The following KREMEN1 variants were observed in gnomAD, a reference collection of about 807,000 sequenced individuals.
KREMEN1 encodes the protein kremen protein 1.
Under a neutral mutation model 46.5 loss-of-function variants are expected in KREMEN1, and 30 were observed. The ratio of observed to expected loss-of-function variants is 0.65; its 90% CI spans 0.48 to 0.88. KREMEN1 has a LOEUF of 0.88. Ranked by LOEUF, KREMEN1 falls within the 40% of genes least tolerant of loss-of-function variation. The pLI is 0.00. For synonymous variants in KREMEN1, 214 were observed against 230.6 expected (o/e 0.93, Z 0.65); for missense variants, 533 against 596.9 (o/e 0.89, Z 1.11).
At chr22:29,129,719 G>C (rs1263061575) in intron 5 of KREMEN1, among the ~76,000 whole-genome samples, 2 of 152,128 alleles carry the variant, frequency 1.3e-5, no homozygotes, top group Admixed American at 6.6e-5. Context: ...CGGGGCTAGT[G>C]GGGGTGGAGG....
chr22:29,094,871 G>A (rs1443343749), intron 2 of KREMEN1, among the ~76,000 whole-genome samples: 1 of 152,076 alleles, frequency 6.6e-6, no homozygotes, highest in Non-Finnish European at 1.5e-5. Context: ...TGATCCGCCC[G>A]CCTCAGCCTC....
Position 29,098,525 on chromosome 22 carries a change from G to A in KREMEN1, c.261-337G>A, listed in dbSNP as rs573264546. Among the ~76,000 whole-genome samples the A allele has an allele frequency of 4.6e-5, 7 of 152,284 alleles. No individual in the cohort carries two copies. In the South Asian group the frequency reaches 1.4e-3, roughly 32 times the overall value. On this transcript the variant is annotated intron_variant, in intron 2 of 8. Transcript: ENST00000400335. ...CATTGAGAGCCCCTGTGCTTACTCA[G>A]CCTTGGAATCTCCATGCTCACATTC...
chr22:29,167,253 G>T (rs922129291), exon 10 of KREMEN1: 1 of 687,820 alleles, frequency 1.5e-6, no homozygotes, highest in East Asian at 2.8e-5. Context: ...CAGCGTTTTG[G>T]GAGGCTGAGA....
chr22:29,122,654 T>C (rs2038373301), intron 4 of KREMEN1, among the ~76,000 whole-genome samples: 2 of 152,082 alleles, frequency 1.3e-5, no homozygotes, highest in Admixed American at 6.6e-5. Context: ...TATTAAGACC[T>C]ACTGGCTGGG....
intron 8 of KREMEN1, among the ~76,000 whole-genome samples, chr22:29,140,675 A>G (rs532979644): frequency 6.6e-6 from 1 of 152,386 alleles, no homozygotes; most frequent in Non-Finnish European, 1.5e-5. Context: ...TTTATGCAAG[A>G]CTGAAGATAG....
chr22:29,152,815 A>G (rs8138092), intron 9 of KREMEN1, among the ~76,000 whole-genome samples: 6,228 of 152,282 alleles, frequency 0.041, 141 homozygotes, highest in Middle Eastern at 0.082. Flanking sequence ...GGGGTGCCCC[A>G]TGGGTTCCTG....
chr22:29,159,138 T>C (rs1405778591), intron 9 of KREMEN1, among the ~76,000 whole-genome samples: 1 of 150,374 alleles, frequency 6.7e-6, no homozygotes, highest in South Asian at 2.1e-4. Flanking sequence ...TTTTTTTTTT[T>C]TTTTTTTTTT....
At chr22:29,094,768 C>A (rs2037858611) in intron 2 of KREMEN1, among the ~76,000 whole-genome samples, 1 of 151,942 alleles carries the variant, frequency 6.6e-6, no homozygotes, top group Non-Finnish European at 1.5e-5. Context: ...GGACTACAGG[C>A]GCCCGCCAAC....
At chr22:29,118,752 TA>T (rs1382899529) in intron 3 of KREMEN1, among the ~76,000 whole-genome samples, 11 of 152,104 alleles carry the variant, frequency 7.2e-5, no homozygotes, top group African/African-American at 7.2e-5. Context: ...TAGGGAGTAA[TA>T]GGGGGAAAAA....
chr22:29,097,113 A>G (rs892445454), intron 2 of KREMEN1, among the ~76,000 whole-genome samples: 10 of 152,234 alleles, frequency 6.6e-5, no homozygotes, highest in African/African-American at 1.7e-4. Flanking sequence ...ACGCCACATG[A>G]CAGGCTTAGC....
At chr22:29,117,306 G>T (rs1032902600) in intron 3 of KREMEN1, among the ~76,000 whole-genome samples, 1 of 152,170 alleles carries the variant, frequency 6.6e-6, no homozygotes, top group African/African-American at 2.4e-5. Flanking sequence ...AGTAGCTCAC[G>T]CCTGTAATCC....
intron 4 of KREMEN1, among the ~76,000 whole-genome samples, chr22:29,122,395 T>A (rs868278472): frequency 6.6e-6 from 1 of 152,212 alleles, no homozygotes; most frequent in African/African-American, 2.4e-5. Flanking sequence ...TGAAGAAAGA[T>A]CTTAAAGTTT....
chr22:29,168,026 T>G (rs1323240243), exon 10 of KREMEN1: 1 of 152,226 alleles, frequency 6.6e-6, no homozygotes, highest in Non-Finnish European at 1.5e-5. Context: ...CAAGGTCCAG[T>G]ATGAAATAAG....
intron 1 of KREMEN1, among the ~76,000 whole-genome samples, chr22:29,093,232 A>T (rs931599236): frequency 2.0e-5 from 3 of 152,320 alleles, no homozygotes; most frequent in Middle Eastern, 3.4e-3. Flanking sequence ...TGGCATTAAG[A>T]GTCCTTAATA....
rs1325853749 is a variant in KREMEN1, at chr22:29,138,767, C to T, written c.1108C>T (p.Pro370Ser). 1.2e-6 allele frequency: 2 copies of T among 1,614,236 alleles called. No homozygotes were observed. Among genetic ancestry groups the T allele is most frequent in the Non-Finnish European group, 1.7e-6 (2 of 1,180,046 alleles). Residue 370 changes from proline (P) to serine (S), a missense_variant, in exon 7 of 9, where the codon CCT becomes TCT. Pro to Ser is a moderately conservative substitution (Grantham distance 74). Coordinates refer to ENST00000400335, the MANE Select transcript of KREMEN1 (RefSeq NM_001039570.3). ...YVITTSPSHP[P>S]QTVPGWTVYG... ...CATCACCACCAGCCCCAGCCACCCACCTCAGACTGTCCCAGGTAGCAATTC... is the reference window on the plus strand; with the variant it reads ...CATCACCACCAGCCCCAGCCACCCATCTCAGACTGTCCCAGGTAGCAATTC...
intron 2 of KREMEN1, among the ~76,000 whole-genome samples, chr22:29,097,688 T>G (rs911050651): frequency 4.6e-5 from 7 of 152,054 alleles, no homozygotes; most frequent in African/African-American, 1.7e-4. Context: ...TTTGTTTTAC[T>G]GTTTAAAAAT....
chr22:29,125,846 C>T (rs890718603), intron 5 of KREMEN1, among the ~76,000 whole-genome samples: 1 of 151,874 alleles, frequency 6.6e-6, no homozygotes, highest in Non-Finnish European at 1.5e-5. Flanking sequence ...GAGGAGACAG[C>T]GTAGCTCTAA....
chr22:29,089,877 C>A (rs1486619654), intron 1 of KREMEN1, among the ~76,000 whole-genome samples: 1 of 152,182 alleles, frequency 6.6e-6, no homozygotes, highest in Non-Finnish European at 1.5e-5. Flanking sequence ...GCCTCGTTCA[C>A]TGGGTTTGCT....
Position 29,120,469 on chromosome 22 carries a change from T to G in KREMEN1, c.353-888T>G. ...GGAAACAGGGAGGAGGGAGACGTGA[T>G]GATGGAAACAGGGAGGAAGGAGAGG... On this transcript the variant is annotated intron_variant, in intron 3 of 8. Coordinates refer to ENST00000400335, the MANE Select transcript of KREMEN1 (RefSeq NM_001039570.3). 3.9e-5 allele frequency among the ~76,000 whole-genome samples: 4 copies of G among 103,850 alleles called. 1 individual carries two copies. The highest frequency in any genetic ancestry group is 5.5e-5 in the Non-Finnish European group (3 of 54,356). 68.1% of individuals were successfully genotyped at this position (103,850 alleles called of 152,430 possible). A position where few individuals can be genotyped will look rare whatever the true frequency, so the allele number is the denominator to read the frequency against.
Sources: gnomAD v4.1 joint callset for allele counts (sites outside exome capture counted in the v4.1 genomes callset) on GRCh38, gnomAD v4.1.1 for gene constraint, MANE v1.5 for transcripts, NCBI Gene and HGNC (gene_info 2026-07-23, HGNC 2026-07-21) for gene names.